HNRNPA3: variants seen among roughly 807,000 people sequenced by gnomAD.
The protein encoded by HNRNPA3 is epididymis secretory sperm binding protein.
A neutral mutation model predicts 45.8 loss-of-function variants in HNRNPA3; 3 were observed. The observed-to-expected ratio is 0.07, with a 90% CI of 0.03 to 0.17. The LOEUF is 0.17. HNRNPA3 is among the 10% of genes least tolerant of loss of function. HNRNPA3 has a pLI of 1.00. For synonymous variants in HNRNPA3, 170 were observed against 155.6 expected, an observed-to-expected ratio of 1.09 and a Z score of -0.69; for missense variants, 183 against 480.3, an observed-to-expected ratio of 0.38 and a Z score of 5.79.
exon 3 of HNRNPA3, chr2:177,215,863 T>C (rs1420304569): frequency 8.7e-6 from 14 of 1,600,760 alleles, no homozygotes; most frequent in Non-Finnish European, 1.2e-5. Flanking sequence ...TTGATGGGCG[T>C]GTAGTGGAAC....
downstream of HNRNPA3, chr2:177,222,919 A>C (rs1218714957): frequency 6.6e-6 from 1 of 152,658 alleles, no homozygotes; most frequent in Non-Finnish European, 1.5e-5. Flanking sequence ...TCATCTGTTA[A>C]GCAGTGGGGG....
At chr2:177,216,299 TATAGTCA>T (rs1238724873) in intron 4 of HNRNPA3, 111 bp downstream of exon 4, 1 of 776,642 alleles carries the variant, frequency 1.3e-6, no homozygotes, top group Admixed American at 2.6e-5. Context: ...ATTTATAGTG[TATAGTCA>T]ATTTTCATAG....
At chr2:177,219,340 G>C in intron 10 of HNRNPA3, 26 bp downstream of exon 10, 1 of 1,502,502 alleles carries the variant, frequency 6.7e-7, no homozygotes, top group Non-Finnish European at 9.2e-7. Flanking sequence ...TTTTTATTAT[G>C]ATGATAAAAG....
chr2:177,214,077 T>C (rs1161010429), intron 1 of HNRNPA3, among the ~76,000 whole-genome samples: 2 of 152,242 alleles, frequency 1.3e-5, no homozygotes, highest in Admixed American at 6.5e-5. Flanking sequence ...GTGAGCCCCT[T>C]ATTTAAGAAC....
chr2:177,216,076 A>G lies in HNRNPA3; in HGVS notation c.441A>G (p.Glu147=), dbSNP rs757403470. The stretch of plus-strand genomic sequence containing the variant: ...AATATAATTTGAGAGACTACTTTGA[A>G]AAGTATGGCAAGATTGAAACCATAG... The change falls in exon 4 of 11, where the codon GAA becomes GAG. Residue 147 remains glutamate, a synonymous_variant. Coordinates refer to ENST00000392524, the Ensembl canonical transcript of HNRNPA3. 4.5e-6 allele frequency: 7 copies of G among 1,557,024 alleles called. No individual in the cohort carries two copies. The African/African-American group carries it at 5.4e-5, about 12-fold the overall frequency.
At chr2:177,220,660 C>T (rs914511379), downstream of HNRNPA3, 2 of 152,596 alleles carry the variant, frequency 1.3e-5, no homozygotes, top group Non-Finnish European at 2.9e-5. Context: ...TTAGTACAGG[C>T]TTCTCACTTC....
intron 1 of HNRNPA3, among the ~76,000 whole-genome samples, chr2:177,215,165 T>C (rs559457744): frequency 2.0e-5 from 3 of 152,260 alleles, no homozygotes; most frequent in African/African-American, 7.2e-5. Flanking sequence ...TGTAATGACA[T>C]GATCTTGGCT....
intron 8 of HNRNPA3, among the ~76,000 whole-genome samples, chr2:177,218,234 T>C (rs1689039954): frequency 6.6e-6 from 1 of 152,010 alleles, no homozygotes; most frequent in Non-Finnish European, 1.5e-5. Context: ...GTTAATTTTT[T>C]TGCATTTTTA....
chr2:177,215,506 A>G, intron 1 of HNRNPA3, 33 bp from the exon 2 acceptor site: 2 of 1,610,408 alleles, frequency 1.2e-6, no homozygotes, highest in Non-Finnish European at 1.7e-6. Flanking sequence ...ATCTACTGTA[A>G]GGTAACTTAA....
At chr2:177,220,709 T>C (rs889485419), downstream of HNRNPA3, 4 of 152,680 alleles carry the variant, frequency 2.6e-5, no homozygotes, top group Admixed American at 2.6e-4. Flanking sequence ...TCTGAGTTCT[T>C]AAATTCCCAA....
At chr2:177,212,829 C>A in exon 1 of HNRNPA3, 2 of 1,561,014 alleles carry the variant, frequency 1.3e-6, no homozygotes, top group Non-Finnish European at 1.7e-6. Context: ...CCGGTCGCCC[C>A]CAGCCCGACT....
exon 10 of HNRNPA3, chr2:177,219,299 A>G (rs1689089690): frequency 1.9e-6 from 3 of 1,612,288 alleles, no homozygotes; most frequent in African/African-American, 1.3e-5. Context: ...GAAGGTTCTA[A>G]AAACAGCAGA....
chr2:177,215,721 T>C, intron 2 of HNRNPA3, 29 bp from the exon 3 acceptor site: 1 of 1,590,878 alleles, frequency 6.3e-7, no homozygotes, highest in Middle Eastern at 1.7e-4. Context: ...GGAGGTGTTT[T>C]CAACGTTATA....
At position 177,215,680 on chromosome 2, in the gene HNRNPA3, A is replaced by G; in HGVS notation, c.195+19A>G. 1 of 1,613,908 alleles carries G rather than the reference A, an allele frequency of 6.2e-7. No individual in the cohort carries two copies. ...TTGTGTGGTAAGTTACTAAGAGAACAGAAGGGTTCTAAGGGGTGTAGAGAA... is the reference window on the plus strand; with the variant it reads ...TTGTGTGGTAAGTTACTAAGAGAACGGAAGGGTTCTAAGGGGTGTAGAGAA... On this transcript the variant is annotated intron_variant, in intron 2 of 10. Coordinates refer to ENST00000392524, the Ensembl canonical transcript of HNRNPA3.
chr2:177,218,896 A>G, intron 8 of HNRNPA3, 141 bp from the exon 9 acceptor site: 1 of 956,610 alleles, frequency 1.0e-6, no homozygotes, highest in Non-Finnish European at 1.6e-6. Context: ...ATATCCTGAC[A>G]TCAGTTACCC....
Position 177,216,608 on chromosome 2 carries a change from C to G in HNRNPA3, c.643+16C>G. 6.2e-7 allele frequency: 1 copy of G among 1,611,398 alleles called. No individual in the cohort carries two copies. The highest frequency in any genetic ancestry group is 8.5e-7 in the Non-Finnish European group (1 of 1,177,574). On this transcript the variant is annotated intron_variant, in intron 5 of 10. Coordinates refer to ENST00000392524, the Ensembl canonical transcript of HNRNPA3. ...TCACAGAGAGGTGAGTAGGACCATA[C>G]ACATGTATACAGTGGATATGAGTGG...
downstream of HNRNPA3, chr2:177,222,704 T>G (rs1227297654): frequency 2.0e-5 from 3 of 152,532 alleles, no homozygotes; most frequent in East Asian, 3.9e-4. Flanking sequence ...TTTGGGAGGC[T>G]GCCTTGATAT....
chr2:177,221,261 A>G (rs1481352734), downstream of HNRNPA3: 1 of 152,642 alleles, frequency 6.6e-6, no homozygotes, highest in African/African-American at 2.4e-5. Context: ...GACACTGTCA[A>G]TGTTCATAAC....
chr2:177,222,511 A>G (rs559741542), downstream of HNRNPA3: 2 of 152,430 alleles, frequency 1.3e-5, no homozygotes, highest in South Asian at 4.1e-4. Flanking sequence ...TCAAAGGAAC[A>G]TTAAAAGTTA....
Sources: gnomAD v4.1 joint callset for allele counts (sites outside exome capture counted in the v4.1 genomes callset) on GRCh38, gnomAD v4.1.1 for gene constraint, MANE v1.5 for transcripts, NCBI Gene and HGNC (gene_info 2026-07-23, HGNC 2026-07-21) for gene names.